The following KCNIP4 variants were observed in gnomAD, a reference collection of about 807,000 sequenced individuals.
KCNIP4 encodes Kv channel-interacting protein 4.
In KCNIP4, 12 loss-of-function variants were observed where a neutral mutation model predicts 34.0. That is an observed-to-expected ratio of 0.35 (90% CI 0.23 to 0.57). The LOEUF (loss-of-function observed/expected upper bound fraction) is 0.57. KCNIP4 is among the 20% of genes least tolerant of loss of function. KCNIP4 has a pLI of 0.83. For missense variants in KCNIP4, 238 were observed against 311.7 expected, an observed-to-expected ratio of 0.76 and a Z score of 1.78; for synonymous variants, 124 against 102.2, an observed-to-expected ratio of 1.21 and a Z score of -1.29.
intron 1 of KCNIP4, among the ~76,000 whole-genome samples, chr4:21,676,144 T>A (rs1052273470): frequency 6.6e-6 from 1 of 152,204 alleles, no homozygotes; most frequent in Non-Finnish European, 1.5e-5. Context: ...TTCTAGAGTA[T>A]GACTGCCTTC....
At chr4:21,430,993 T>TA (rs1726393718) in intron 1 of KCNIP4, among the ~76,000 whole-genome samples, 1 of 151,854 alleles carries the variant, frequency 6.6e-6, no homozygotes, top group Non-Finnish European at 1.5e-5. Flanking sequence ...CAAAGCAATG[T>TA]AAAAAATGGA....
intron 1 of KCNIP4, among the ~76,000 whole-genome samples, chr4:21,317,338 T>G (rs1455545104): frequency 1.3e-5 from 2 of 152,190 alleles, no homozygotes; most frequent in Non-Finnish European, 2.9e-5. Flanking sequence ...AATATGAAGT[T>G]GTAAAAATAT....
At chr4:21,224,765 T>A (rs1758250314) in intron 1 of KCNIP4, among the ~76,000 whole-genome samples, 1 of 151,760 alleles carries the variant, frequency 6.6e-6, no homozygotes, top group Admixed American at 6.6e-5. Context: ...TTTTGTATTT[T>A]TAGTAGAGAC....
intron 1 of KCNIP4, among the ~76,000 whole-genome samples, chr4:21,455,840 T>TAACTAATTTTTTACAGAATGA (rs1728912450): frequency 8.0e-6 from 1 of 125,336 alleles, no homozygotes; most frequent in African/African-American, 3.6e-5. Context: ...TATATATATA[T>TAACTAATTTTTTACAGAATGA]ATATATATAT....
At chr4:20,771,082 C>T (rs970039912) in intron 3 of KCNIP4, among the ~76,000 whole-genome samples, 3 of 151,954 alleles carry the variant, frequency 2.0e-5, no homozygotes, top group Non-Finnish European at 2.9e-5. Context: ...AATACTACAC[C>T]ATTTCATATA....
At chr4:21,903,621 T>C (rs187488564) in intron 1 of KCNIP4, among the ~76,000 whole-genome samples, 2 of 152,244 alleles carry the variant, frequency 1.3e-5, no homozygotes, top group African/African-American at 4.8e-5. Flanking sequence ...ATTAAACTCA[T>C]TTATTATTCT....
chr4:20,784,923 T>A (rs1711745401), intron 3 of KCNIP4, among the ~76,000 whole-genome samples: 1 of 152,088 alleles, frequency 6.6e-6, no homozygotes, highest in African/African-American at 2.4e-5. Context: ...CTGGAGAGAT[T>A]TTGAAATAAG....
chr4:20,774,178 A>C (rs984818599), intron 3 of KCNIP4, among the ~76,000 whole-genome samples: 1 of 152,134 alleles, frequency 6.6e-6, no homozygotes, highest in Non-Finnish European at 1.5e-5. Context: ...CCATGGAGGA[A>C]ATTATTTCTA....
chr4:21,149,036 A>G (rs6845874), intron 1 of KCNIP4, among the ~76,000 whole-genome samples: 3,862 of 152,282 alleles, frequency 0.025, 183 homozygotes, highest in African/African-American at 0.086. Flanking sequence ...GAGGAATTAC[A>G]TAAGTGTGCA....
At chr4:21,495,924 C>T (rs1732811496) in intron 1 of KCNIP4, among the ~76,000 whole-genome samples, 1 of 152,196 alleles carries the variant, frequency 6.6e-6, no homozygotes, top group Admixed American at 6.5e-5. Flanking sequence ...ATAACTCTAG[C>T]TCACCTCCTA....
At chr4:20,907,006 A>T (rs1179879691) in intron 1 of KCNIP4, among the ~76,000 whole-genome samples, 1 of 152,214 alleles carries the variant, frequency 6.6e-6, no homozygotes, top group Non-Finnish European at 1.5e-5. Flanking sequence ...AATCTTCAGC[A>T]TATAGAACAG....
chr4:21,003,217 C>T (rs1020244441), intron 1 of KCNIP4, among the ~76,000 whole-genome samples: 5 of 152,128 alleles, frequency 3.3e-5, no homozygotes, highest in Admixed American at 2.6e-4. Context: ...GAAATTTGAA[C>T]CCACATCTGA....
intron 2 of KCNIP4, among the ~76,000 whole-genome samples, chr4:20,879,550 T>C (rs991643544): frequency 6.6e-6 from 1 of 152,210 alleles, no homozygotes; most frequent in African/African-American, 2.4e-5. Flanking sequence ...GAAATACATT[T>C]AATTTTCAAA....
At chr4:21,783,893 A>T (rs370632870) in intron 1 of KCNIP4, among the ~76,000 whole-genome samples, 210 of 152,310 alleles carry the variant, frequency 1.4e-3, no homozygotes, top group African/African-American at 4.1e-3. Flanking sequence ...CAAAAGTAGC[A>T]GCATAATTAC....
chr4:20,798,234 C>T (rs1713736361), intron 3 of KCNIP4, among the ~76,000 whole-genome samples: 1 of 152,110 alleles, frequency 6.6e-6, no homozygotes, highest in South Asian at 2.1e-4. Context: ...TTTACTGTTC[C>T]TAAACATTAT....
chr4:21,669,817 A>C (rs367624956), intron 1 of KCNIP4, among the ~76,000 whole-genome samples: 6 of 152,332 alleles, frequency 3.9e-5, no homozygotes, highest in African/African-American at 1.4e-4. Context: ...ATAAACACCA[A>C]GGCTGAAAGC....
intron 1 of KCNIP4, among the ~76,000 whole-genome samples, chr4:21,792,641 C>T (rs1449208616): frequency 6.6e-6 from 1 of 152,164 alleles, no homozygotes; most frequent in Non-Finnish European, 1.5e-5. Context: ...GACTTGGTTT[C>T]ACAGCTGGGC....
At chr4:21,509,199 A>G (rs1222127496) in intron 1 of KCNIP4, among the ~76,000 whole-genome samples, 2 of 152,180 alleles carry the variant, frequency 1.3e-5, no homozygotes, top group Non-Finnish European at 2.9e-5. Flanking sequence ...TAGTGATGCT[A>G]ACCAGCATGT....
At chr4:21,775,606 C>A (rs986728975) in intron 1 of KCNIP4, among the ~76,000 whole-genome samples, 1 of 152,196 alleles carries the variant, frequency 6.6e-6, no homozygotes, top group Non-Finnish European at 1.5e-5. Flanking sequence ...AGTCACCCTT[C>A]CCCCTAGGTG....
Sources: allele counts gnomAD v4.1 joint callset (sites outside exome capture counted in the v4.1 genomes callset), GRCh38; gene constraint gnomAD v4.1.1; transcripts MANE v1.5; gene names NCBI Gene and HGNC (gene_info 2026-07-23, HGNC 2026-07-21).